Variants in SOS2 observed in about 807,000 individuals in gnomAD.
SOS2 encodes the protein SOS Ras/Rho guanine nucleotide exchange factor 2.
SOS2 carries 65 observed loss-of-function variants against 148.2 expected under a neutral mutation model. That is an observed-to-expected ratio of 0.44 (90% CI 0.36 to 0.54). The LOEUF is 0.54. Among genes scored for constraint, SOS2 ranks in the 20% least tolerant of loss-of-function variants. The probability of loss-of-function intolerance (pLI) is 0.00; values close to 1 mark genes in which losing one functional copy is unlikely to be tolerated. For missense variants in SOS2, 1,341 were observed against 1,590.2 expected, an observed-to-expected ratio of 0.84 and a Z score of 2.67; for synonymous variants, 539 against 537.1, an observed-to-expected ratio of 1.00 and a Z score of -0.05.
chr14:50,230,568 A>T (rs1887507510), intron 1 of SOS2, among the ~76,000 whole-genome samples: 1 of 152,226 alleles, frequency 6.6e-6, no homozygotes, highest in African/African-American at 2.4e-5. Context: ...CCTAAATCGC[A>T]ATTTGGTCGT....
At chr14:50,136,595 T>C (rs1025398114) in intron 18 of SOS2, among the ~76,000 whole-genome samples, 8 of 147,182 alleles carry the variant, frequency 5.4e-5, no homozygotes, top group African/African-American at 1.7e-4. Context: ...AAGTATCTTT[T>C]TTTTTTTTTT....
intron 4 of SOS2, among the ~76,000 whole-genome samples, chr14:50,194,962 C>T (rs1057329735): frequency 2.6e-5 from 4 of 151,874 alleles, no homozygotes; most frequent in South Asian, 2.1e-4. Flanking sequence ...GTACACTTTA[C>T]AAAAACCTGG....
intron 8 of SOS2, among the ~76,000 whole-genome samples, chr14:50,171,512 T>C (rs1885361324): frequency 6.6e-6 from 1 of 151,744 alleles, no homozygotes; most frequent in African/African-American, 2.4e-5. Flanking sequence ...GGTGAAACCC[T>C]GTCTATACTA....
Position 50,157,261 on chromosome 14 carries a change from C to G in SOS2, c.1935-140G>C, listed in dbSNP as rs542834769. ...ACTTCCCTTGAGGTATGATATACTA[C>G]AAAAAACTGTCCTTTGGCTATACAA... On this transcript the variant is annotated intron_variant, in intron 11 of 22. Transcript: ENST00000216373. 25 of 825,850 alleles carry G rather than the reference C, an allele frequency of 3.0e-5. No homozygotes were observed. In the African/African-American group the frequency reaches 3.6e-4, roughly 12 times the overall value. The allele number at this position is 825,850 out of a possible 1,614,324, so 51.2% of individuals were successfully genotyped here. A position where few individuals can be genotyped will look rare whatever the true frequency, so the allele number is the denominator to read the frequency against.
Position 50,158,497 on chromosome 14 carries a change from G to T in SOS2, c.1934+68C>A, listed in dbSNP as rs75426933. The T allele has an allele frequency of 3.4e-6, 3 of 878,856 alleles. No homozygotes were observed. In the East Asian group the frequency reaches 7.4e-5, roughly 22 times the overall value. 54.4% of individuals were successfully genotyped at this position (878,856 alleles called of 1,614,324 possible). Reference sequence around the variant, plus strand: ...TAACTTGAGTATTTATTAGGTACTAGGCACTTTACAAAATACAGTTAATTT... The same window carrying T: ...TAACTTGAGTATTTATTAGGTACTATGCACTTTACAAAATACAGTTAATTT... On this transcript the variant is annotated intron_variant, in intron 11 of 22. Transcript: ENST00000216373.
intron 21 of SOS2, among the ~76,000 whole-genome samples, chr14:50,123,558 T>C (rs1267589782): frequency 6.6e-6 from 1 of 152,058 alleles, no homozygotes; most frequent in Non-Finnish European, 1.5e-5. Context: ...AATTTTTGTA[T>C]TTTTAGTAGA....
At position 50,130,689 on chromosome 14, in the gene SOS2, C is replaced by A. The variant is rs1012247714; in HGVS notation, c.3149G>T (p.Gly1050Val). The change falls in exon 20 of 23, where the codon GGT (glycine) becomes GTT (valine). Residue 1050 changes from glycine (G) to valine (V), a missense_variant. Physicochemically the swap from Gly to Val is moderately radical, Grantham distance 109. Around this residue, in one of 4 missense-constraint regions of SOS2, gnomAD observed 354 missense variants for 347.7 expected, o/e 1.02. Transcript: ENST00000216373. ...TGGTGTTGGGTGACCTCGTAAAGTA[C>A]CTGAGGTAGAGCCATGTCGGCCTGT... ...PNTGRHGSTS[G>V]TLRGHPTPLE... 1.9e-6 allele frequency: 3 copies of A among 1,613,622 alleles called. No individual in the cohort carries two copies. The highest frequency in any genetic ancestry group is 1.7e-6 in the Non-Finnish European group (2 of 1,179,670).
chr14:50,194,396 G>C (rs1886251037), intron 4 of SOS2, among the ~76,000 whole-genome samples: 1 of 149,572 alleles, frequency 6.7e-6, no homozygotes. Flanking sequence ...TTTTAACCTA[G>C]AAGAATGCCA....
chr14:50,125,153 T>C (rs1398007959), intron 21 of SOS2, among the ~76,000 whole-genome samples: 1 of 152,168 alleles, frequency 6.6e-6, no homozygotes, highest in Non-Finnish European at 1.5e-5. Flanking sequence ...CAATATGACA[T>C]GACCAGTGTC....
chr14:50,118,623 C>T lies in SOS2; in HGVS notation c.3720G>A (p.Gly1240=). Residue 1240 remains glycine, a synonymous_variant, in exon 23 of 23, where the codon GGG becomes GGA. Transcript: ENST00000216373. The stretch of plus-strand genomic sequence containing the variant: ...GCCAGTCTGAATCTCTGTGAAGATG[C>T]CCCAGTGGAGGTGGCTGAAGATTAA... The part of the protein sequence containing the change: ...CPFNLQPPPL[G]HLHRDSDWLR... The T allele has an allele frequency of 6.2e-7, 1 of 1,613,912 alleles. No individual in the cohort carries two copies. The highest frequency in any genetic ancestry group is 8.5e-7 in the Non-Finnish European group (1 of 1,179,980).
chr14:50,129,232 CTG>C (rs1883786481), intron 21 of SOS2, among the ~76,000 whole-genome samples: 1 of 152,084 alleles, frequency 6.6e-6, no homozygotes, highest in South Asian at 2.1e-4. Flanking sequence ...AAATAAGTGA[CTG>C]AGGATATCCC....
chr14:50,144,895 A>C lies in SOS2; in HGVS notation c.2667+275T>G, dbSNP rs76272072. Among the ~76,000 whole-genome samples, 51 of 152,262 alleles carry C rather than the reference A, an allele frequency of 3.3e-4. No homozygotes were observed. In the East Asian group the frequency reaches 7.7e-3, roughly 23 times the overall value. ...ATAAATCCACTTGGAACTTCATTAC[A>C]TTTAGGTTAAGTACATTACACGGCA... On this transcript the variant is annotated intron_variant, in intron 16 of 22. Coordinates refer to ENST00000216373, the MANE Select transcript of SOS2 (RefSeq NM_006939.4).
chr14:50,201,216 TAATA>T (rs543866235), intron 2 of SOS2, 132 bp from the exon 3 acceptor site: 38 of 841,162 alleles, frequency 4.5e-5, no homozygotes, highest in Non-Finnish European at 5.9e-5. Context: ...CTGATTCCTG[TAATA>T]AATAAATTTT....
intron 13 of SOS2, among the ~76,000 whole-genome samples, chr14:50,152,275 T>C (rs910891593): frequency 2.6e-4 from 40 of 152,218 alleles, no homozygotes; most frequent in African/African-American, 9.2e-4. Context: ...TAAATGTTCA[T>C]GGCCTAGGGT....
intron 8 of SOS2, among the ~76,000 whole-genome samples, chr14:50,170,226 C>T (rs981859447): frequency 6.6e-6 from 1 of 151,844 alleles, no homozygotes. Context: ...AGGCACCTTA[C>T]CCCACTTTCT....
chr14:50,121,405 A>G (rs754103662), intron 21 of SOS2, among the ~76,000 whole-genome samples: 74 of 152,332 alleles, frequency 4.9e-4, no homozygotes, highest in South Asian at 4.1e-4. Context: ...AAAGAAGTTG[A>G]TAAGTTTAAC....
intron 7 of SOS2, among the ~76,000 whole-genome samples, chr14:50,175,526 A>G (rs559089433): frequency 6.6e-6 from 1 of 151,648 alleles, no homozygotes; most frequent in East Asian, 1.9e-4. Flanking sequence ...AAAGGTAACA[A>G]GTAAGAGACT....
At chr14:50,157,161 T>C (rs772631516) in intron 11 of SOS2, 40 bp from the exon 12 acceptor site, 3 of 1,587,602 alleles carry the variant, frequency 1.9e-6, no homozygotes, top group Non-Finnish European at 2.6e-6. Context: ...CGTTCATACA[T>C]AATGAAAATA....
chr14:50,212,461 A>G (rs1043298691), intron 1 of SOS2, among the ~76,000 whole-genome samples: 1 of 152,380 alleles, frequency 6.6e-6, no homozygotes, highest in South Asian at 2.1e-4. Flanking sequence ...CAACATAGCG[A>G]GACTCCGTCT....
Sources: allele counts gnomAD v4.1 joint callset (sites outside exome capture counted in the v4.1 genomes callset), GRCh38; gene constraint gnomAD v4.1.1; regional missense constraint gnomAD v4.1.1; transcripts MANE v1.5; gene names NCBI Gene and HGNC (gene_info 2026-07-23, HGNC 2026-07-21).